The following CDC27 variants were observed in gnomAD, a reference collection of about 807,000 sequenced individuals.
CDC27 encodes the protein cell division cycle protein 27 homolog.
A neutral mutation model predicts 109.7 loss-of-function variants in CDC27; 27 were observed. That is an observed-to-expected ratio of 0.25 (90% CI 0.18 to 0.34). The LOEUF (loss-of-function observed/expected upper bound fraction) is 0.34. CDC27 is among the 10% of genes least tolerant of loss of function. CDC27 has a pLI of 1.00. For synonymous variants in CDC27, 266 were observed against 333.9 expected (o/e 0.80, Z 2.22); for missense variants, 579 against 960.2 (o/e 0.60, Z 5.25).
chr17:47,143,784 G>A, intron 10 of CDC27, 99 bp downstream of exon 10: 1 of 453,342 alleles, frequency 2.2e-6, no homozygotes, highest in Non-Finnish European at 3.7e-6. Flanking sequence ...ATTCGAAATA[G>A]TCTCTTTGTT....
intron 9 of CDC27, among the ~76,000 whole-genome samples, chr17:47,146,454 AC>A (rs777010411): frequency 1.3e-5 from 2 of 152,186 alleles, no homozygotes; most frequent in Non-Finnish European, 2.9e-5. Context: ...TGAAGAAACT[AC>A]CCAAAGCTGG....
At chr17:47,171,844 T>C in intron 3 of CDC27, 73 bp downstream of exon 3, 1 of 1,003,948 alleles carries the variant, frequency 1.0e-6, no homozygotes. Context: ...CAGAGTTTAA[T>C]CTGAAAGGAA....
At chr17:47,182,552 A>G (rs1317254042) in intron 1 of CDC27, among the ~76,000 whole-genome samples, 3 of 152,238 alleles carry the variant, frequency 2.0e-5, no homozygotes, top group African/African-American at 4.8e-5. Flanking sequence ...TCTAAGCAGT[A>G]TAACATTTAC....
At chr17:47,151,339 G>T (rs191797923) in intron 9 of CDC27, among the ~76,000 whole-genome samples, 2 of 152,268 alleles carry the variant, frequency 1.3e-5, no homozygotes, top group Admixed American at 1.3e-4. Context: ...AAAGAAAATT[G>T]TATCTTCCTT....
At chr17:47,146,128 A>C (rs1302787685) in intron 9 of CDC27, among the ~76,000 whole-genome samples, 1 of 152,242 alleles carries the variant, frequency 6.6e-6, no homozygotes, top group Non-Finnish European at 1.5e-5. Context: ...GAAAGAAGAC[A>C]TGAAAGCTCT....
rs764463300 is a variant in CDC27, at chr17:47,157,217, A to G, written c.630+13T>C. 1.4e-5 allele frequency: 22 copies of G among 1,603,638 alleles called. No homozygotes were observed. Among genetic ancestry groups the G allele is most frequent in the Non-Finnish European group, 1.8e-5 (21 of 1,173,804 alleles). On this transcript the variant is annotated intron_variant, in intron 6 of 18. Coordinates refer to ENST00000066544, the MANE Select transcript of CDC27 (RefSeq NM_001256.6). ...TTCATAATATTTTGAACACTAGAAT[A>G]TAAGACACTTACAATTGTGTCCTGG...
At chr17:47,135,075 A>G (rs2062537147) in intron 14 of CDC27, among the ~76,000 whole-genome samples, 1 of 152,188 alleles carries the variant, frequency 6.6e-6, no homozygotes, top group Non-Finnish European at 1.5e-5. Flanking sequence ...GAGAAGTTAA[A>G]TAACTTGCTT....
chr17:47,161,491 C>T (rs796455486), intron 4 of CDC27, among the ~76,000 whole-genome samples: 14 of 152,304 alleles, frequency 9.2e-5, no homozygotes, highest in African/African-American at 3.4e-4. Flanking sequence ...TGGCTCATGC[C>T]TGTAATCTCA....
chr17:47,164,167 C>T (rs1298957896), intron 4 of CDC27, among the ~76,000 whole-genome samples: 1 of 152,174 alleles, frequency 6.6e-6, no homozygotes, highest in Non-Finnish European at 1.5e-5. Flanking sequence ...AGTAAGGTAA[C>T]ATGCTGTACA....
chr17:47,158,319 A>T lies in CDC27; in HGVS notation c.378-16T>A, dbSNP rs762165131. On this transcript the variant is annotated splice_polypyrimidine_tract_variant and intron_variant, in intron 4 of 18. Transcript: ENST00000066544. ...ATCTGTCTTGCTGTGGAGAGAAACA[A>T]GTAGATTAAATAAGCTACAAACCCC... The T allele has an allele frequency of 4.3e-6, 6 of 1,386,756 alleles. No homozygotes were observed. The Admixed American group carries it at 1.2e-4, about 29-fold the overall frequency. 85.9% of individuals were successfully genotyped at this position (1,386,756 alleles called of 1,614,324 possible).
Position 47,158,228 on chromosome 17 carries a change from G to T in CDC27, c.453C>A (p.Pro151=). Reference sequence around the variant, plus strand: ...TACCTATTTCACATAATGATTCAAAGGGAGACCAGAGGAAAGGATTTAAAC... The same window carrying T: ...TACCTATTTCACATAATGATTCAAATGGAGACCAGAGGAAAGGATTTAAAC... The part of the protein sequence containing the change: ...SLSLNPFLWS[P]FESLCEIGEK... Residue 151 remains proline (P), a synonymous_variant, in exon 5 of 19, where the codon CCC becomes CCA. Coordinates refer to ENST00000066544, the MANE Select transcript of CDC27 (RefSeq NM_001256.6). The T allele has an allele frequency of 6.4e-7, 1 of 1,562,694 alleles. No individual in the cohort carries two copies. Among genetic ancestry groups the T allele is most frequent in the Non-Finnish European group, 8.7e-7 (1 of 1,150,388 alleles).
intron 11 of CDC27, 34 bp downstream of exon 11, chr17:47,142,195 A>G: frequency 7.6e-7 from 1 of 1,312,222 alleles, no homozygotes; most frequent in Non-Finnish European, 1.1e-6. Flanking sequence ...TACATAATAA[A>G]ATACAAAGAT....
chr17:47,142,059 A>G (rs1598446970), intron 11 of CDC27, 34 bp from the exon 12 acceptor site: 1 of 1,458,814 alleles, frequency 6.9e-7, no homozygotes, highest in East Asian at 2.3e-5. Context: ...CAAAGGAAAA[A>G]ACGCAATAAA....
chr17:47,152,961 T>A (rs2063193425), intron 8 of CDC27, among the ~76,000 whole-genome samples: 1 of 152,238 alleles, frequency 6.6e-6, no homozygotes, highest in South Asian at 2.1e-4. Flanking sequence ...TTATTATTTC[T>A]ATCAGCAGGT....
At chr17:47,188,187 C>G (rs1211755242) in intron 1 of CDC27, among the ~76,000 whole-genome samples, 2 of 152,160 alleles carry the variant, frequency 1.3e-5, no homozygotes, top group Non-Finnish European at 2.9e-5. Context: ...GTCCATGACT[C>G]AATGACAGCA....
Position 47,119,966 on chromosome 17 carries a change from G to T in CDC27, c.*969C>A, listed in dbSNP as rs953704285. The stretch of plus-strand genomic sequence containing the variant: ...TCTGCTTAAGCAAACACTTAGAAAA[G>T]TCAAAGGGATGTTTTGAACAAATAT... On this transcript the variant is annotated 3_prime_UTR_variant, in exon 19 of 19. Coordinates refer to ENST00000066544, the MANE Select transcript of CDC27 (RefSeq NM_001256.6). The T allele has an allele frequency of 2.0e-5, 3 of 152,178 alleles. No individual in the cohort carries two copies. Among genetic ancestry groups the T allele is most frequent in the Admixed American group, 6.5e-5 (1 of 15,270 alleles). The allele number at this position is 152,178 out of a possible 1,614,324, so 9.4% of individuals were successfully genotyped here.
At chr17:47,188,287 C>G (rs750487606) in intron 1 of CDC27, among the ~76,000 whole-genome samples, 5 of 152,110 alleles carry the variant, frequency 3.3e-5, no homozygotes, top group Non-Finnish European at 5.9e-5. Flanking sequence ...ACAAAAGATA[C>G]AGTTTCTCCA....
chr17:47,181,996 C>G (rs527415980), intron 1 of CDC27, among the ~76,000 whole-genome samples: 5 of 152,164 alleles, frequency 3.3e-5, no homozygotes, highest in African/African-American at 1.2e-4. Context: ...TGGCTGATGT[C>G]AAGCCATTTC....
In CDC27 at chr17:47,151,898, T is replaced by A. The variant is rs1444449147; in HGVS notation, c.978A>T (p.Gln326His). ...PSKKSVARIGQTGTKSVFSQS... is the reference protein window; with the variant it reads ...PSKKSVARIGHTGTKSVFSQS... Reference sequence around the variant, plus strand: ...GTGAGAAGACAGACTTTGTTCCAGTTTGGCCGATTCTGGCAACAGACTGTA... The same window carrying A: ...GTGAGAAGACAGACTTTGTTCCAGTATGGCCGATTCTGGCAACAGACTGTA... Residue 326 changes from glutamine to histidine, a missense_variant, in exon 9 of 19, where the codon CAA (glutamine) becomes CAT (histidine). Physicochemically the swap from Gln to His is conservative, Grantham distance 24. This residue lies in a region of CDC27 where 74 missense variants were observed against 148.9 expected (regional missense o/e 0.50). Transcript: ENST00000066544. 3 of 1,606,624 alleles carry A rather than the reference T, an allele frequency of 1.9e-6. No individual in the cohort carries two copies. The African/African-American group carries it at 4.0e-5, about 21-fold the overall frequency.
Sources: allele counts gnomAD v4.1 joint callset (sites outside exome capture counted in the v4.1 genomes callset), GRCh38; gene constraint gnomAD v4.1.1; regional missense constraint gnomAD v4.1.1; transcripts MANE v1.5; gene names NCBI Gene and HGNC (gene_info 2026-07-23, HGNC 2026-07-21).